LRP1B: variants seen among roughly 807,000 people sequenced by gnomAD.
LRP1B encodes the protein LDL receptor related protein 1B.
Under a neutral mutation model 556.6 loss-of-function variants are expected in LRP1B, and 217 were observed. That is an observed-to-expected ratio of 0.39 (90% CI 0.35 to 0.44). The LOEUF (loss-of-function observed/expected upper bound fraction) is 0.44, where lower values mean the gene tolerates loss of function less well. LRP1B is among the 20% of genes least tolerant of loss of function. The pLI is 1.00. For synonymous variants in LRP1B, 2,047 were observed against 1,865.8 expected, an observed-to-expected ratio of 1.10 and a Z score of -2.50; for missense variants, 5,053 against 5,620.8, an observed-to-expected ratio of 0.90 and a Z score of 3.23.
intron 20 of LRP1B, among the ~76,000 whole-genome samples, chr2:140,936,855 C>CA (rs1695243047): frequency 6.6e-6 from 1 of 152,006 alleles, no homozygotes; most frequent in Admixed American, 6.6e-5. Flanking sequence ...TAGGTTGGTA[C>CA]AAAAGTAATT....
intron 3 of LRP1B, among the ~76,000 whole-genome samples, chr2:141,354,710 T>G (rs1191874322): frequency 6.6e-6 from 1 of 151,914 alleles, no homozygotes; most frequent in African/African-American, 2.4e-5. Flanking sequence ...TTAAACACAG[T>G]GGCTATAGCC....
At chr2:140,893,973 C>T (rs1181655911) in intron 23 of LRP1B, among the ~76,000 whole-genome samples, 1 of 152,024 alleles carries the variant, frequency 6.6e-6, no homozygotes, top group Non-Finnish European at 1.5e-5. Context: ...ATGAAGAAGG[C>T]TCTGAATAGC....
intron 84 of LRP1B, among the ~76,000 whole-genome samples, chr2:140,276,751 T>C (rs920003207): frequency 6.6e-6 from 1 of 151,924 alleles, no homozygotes; most frequent in Admixed American, 6.6e-5. Context: ...CTTTGCAACA[T>C]TTTTTTACTA....
intron 90 of LRP1B, 94 bp downstream of exon 90, chr2:140,234,692 A>G: frequency 1.6e-6 from 1 of 612,742 alleles, no homozygotes; most frequent in Non-Finnish European, 3.0e-6. Flanking sequence ...TTAAAAACTT[A>G]ATTAAAAACA....
chr2:141,890,319 A>AATAT (rs1243580802), intron 1 of LRP1B, among the ~76,000 whole-genome samples: 4 of 63,794 alleles, frequency 6.3e-5, no homozygotes, highest in African/African-American at 2.9e-4. Flanking sequence ...GTAAGGGCAC[A>AATAT]ATACATATAT....
intron 84 of LRP1B, among the ~76,000 whole-genome samples, chr2:140,284,528 T>C (rs954826641): frequency 6.6e-5 from 10 of 151,768 alleles, no homozygotes; most frequent in Non-Finnish European, 8.9e-5. Context: ...AGTGAGAGAA[T>C]ACAACACCAT....
intron 1 of LRP1B, among the ~76,000 whole-genome samples, chr2:142,010,955 CTTTCT>C (rs1217075978): frequency 6.6e-6 from 1 of 152,180 alleles, no homozygotes; most frequent in Non-Finnish European, 1.5e-5. Flanking sequence ...ATTACGACTC[CTTTCT>C]TTTGACAATA....
chr2:140,272,975 T>C (rs1329878185), intron 85 of LRP1B, among the ~76,000 whole-genome samples: 1 of 151,968 alleles, frequency 6.6e-6, no homozygotes, highest in East Asian at 1.9e-4. Flanking sequence ...CTGGTGTTTC[T>C]GTTTTGGAGA....
intron 2 of LRP1B, among the ~76,000 whole-genome samples, chr2:141,665,252 T>C (rs1043436969): frequency 6.6e-6 from 1 of 152,042 alleles, no homozygotes; most frequent in Non-Finnish European, 1.5e-5. Context: ...AAAAACACCC[T>C]ATTAAAATGT....
At chr2:141,440,293 A>G (rs925094892) in intron 3 of LRP1B, among the ~76,000 whole-genome samples, 1 of 152,206 alleles carries the variant, frequency 6.6e-6, no homozygotes, top group African/African-American at 2.4e-5. Context: ...TAGAGGACTT[A>G]GTCTGCAATA....
At chr2:140,248,206 A>G (rs1026677682) in intron 86 of LRP1B, among the ~76,000 whole-genome samples, 8 of 151,694 alleles carry the variant, frequency 5.3e-5, no homozygotes. Flanking sequence ...TAGTCGTAAA[A>G]TCAGTATTGG....
chr2:141,455,811 T>C (rs562906019), intron 3 of LRP1B, among the ~76,000 whole-genome samples: 47 of 152,332 alleles, frequency 3.1e-4, no homozygotes, highest in Non-Finnish European at 6.0e-4. Context: ...CTTTTGCCAT[T>C]TAAACTTGAA....
intron 3 of LRP1B, among the ~76,000 whole-genome samples, chr2:141,442,227 AG>A (rs1395882512): frequency 6.6e-6 from 1 of 152,192 alleles, no homozygotes; most frequent in Non-Finnish European, 1.5e-5. Context: ...TATGTGGAAA[AG>A]TCTGTATTTC....
chr2:141,715,151 G>A (rs781376844), intron 2 of LRP1B, among the ~76,000 whole-genome samples: 7 of 152,020 alleles, frequency 4.6e-5, no homozygotes, highest in Non-Finnish European at 8.8e-5. Flanking sequence ...TATTATTCCT[G>A]CTTGACTCAA....
At chr2:141,947,439 A>G (rs573339068) in intron 1 of LRP1B, among the ~76,000 whole-genome samples, 126 of 152,240 alleles carry the variant, frequency 8.3e-4, no homozygotes, top group African/African-American at 3.0e-3. Flanking sequence ...CCATCTCAAA[A>G]AAAATAAATA....
chr2:140,701,892 A>C, intron 39 of LRP1B, 47 bp from the exon 40 acceptor site: 2 of 1,609,044 alleles, frequency 1.2e-6, no homozygotes, highest in Non-Finnish European at 1.7e-6. Flanking sequence ...CGACTAATTA[A>C]AGTCAAGCCA....
chr2:141,588,922 TG>T (rs1462114880), intron 2 of LRP1B, among the ~76,000 whole-genome samples: 4 of 152,126 alleles, frequency 2.6e-5, no homozygotes, highest in Non-Finnish European at 4.4e-5. Context: ...CAGGTCCACA[TG>T]GAGAATTTAA....
chr2:141,930,395 T>C (rs917544621), intron 1 of LRP1B, among the ~76,000 whole-genome samples: 5 of 152,072 alleles, frequency 3.3e-5, no homozygotes, highest in Non-Finnish European at 5.9e-5. Flanking sequence ...AATACATCTA[T>C]CTGTCCTAAA....
intron 2 of LRP1B, among the ~76,000 whole-genome samples, chr2:141,695,409 T>C (rs967297454): frequency 1.3e-5 from 2 of 152,006 alleles, no homozygotes; most frequent in Non-Finnish European, 2.9e-5. Flanking sequence ...TGCCTAATAG[T>C]GATAATAATG....
Sources: allele counts gnomAD v4.1 joint callset (sites outside exome capture counted in the v4.1 genomes callset), GRCh38; gene constraint gnomAD v4.1.1; transcripts MANE v1.5; gene names NCBI Gene and HGNC (gene_info 2026-07-23, HGNC 2026-07-21).